Variants in PTK2 observed in about 807,000 individuals in gnomAD.
PTK2 encodes protein tyrosine kinase 2.
Under a neutral mutation model 150.1 loss-of-function variants are expected in PTK2, and 45 were observed. The ratio of observed to expected loss-of-function variants is 0.30; its 90% CI spans 0.24 to 0.38. The LOEUF is 0.38. Among genes scored for constraint, PTK2 ranks in the 10% least tolerant of loss-of-function variants. The pLI is 1.00. For missense variants in PTK2, 919 were observed against 1,307.3 expected, an observed-to-expected ratio of 0.70 and a Z score of 4.58; for synonymous variants, 432 against 449.2, an observed-to-expected ratio of 0.96 and a Z score of 0.48.
chr8:140,732,608 T>C (rs767616730), intron 22 of PTK2: 3 of 528,912 alleles, frequency 5.7e-6, no homozygotes, highest in East Asian at 5.5e-5. Context: ...TTCAGTCTAG[T>C]AGGGGATGAG....
At chr8:140,694,486 G>C (rs1168723738) in intron 26 of PTK2, among the ~76,000 whole-genome samples, 1 of 152,134 alleles carries the variant, frequency 6.6e-6, no homozygotes, top group Admixed American at 6.5e-5. Flanking sequence ...CAACGGTTTA[G>C]AAAGAAAGAT....
intron 27 of PTK2, among the ~76,000 whole-genome samples, chr8:140,679,778 C>T (rs776114411): frequency 5.9e-5 from 9 of 151,946 alleles, no homozygotes; most frequent in Non-Finnish European, 1.2e-4. Context: ...TGTTTACTAA[C>T]TAGTTCACAT....
chr8:140,763,717 G>A (rs2100070628), intron 15 of PTK2, among the ~76,000 whole-genome samples: 2 of 151,964 alleles, frequency 1.3e-5, no homozygotes, highest in Non-Finnish European at 2.9e-5. Context: ...CCATCCCTGA[G>A]GTGTACAAAC....
chr8:140,738,075 C>T (rs2100053614), intron 21 of PTK2, among the ~76,000 whole-genome samples: 1 of 152,222 alleles, frequency 6.6e-6, no homozygotes, highest in East Asian at 1.9e-4. Context: ...AAAAAAGGTA[C>T]ATAATCTTAA....
chr8:140,661,992 CTCT>C (rs1427749566), intron 31 of PTK2, among the ~76,000 whole-genome samples: 5 of 150,734 alleles, frequency 3.3e-5, no homozygotes, highest in African/African-American at 9.9e-5. Context: ...AGACAGGCTC[CTCT>C]TCTTTTCAAA....
chr8:140,845,195 T>C (rs1441805398), intron 7 of PTK2, among the ~76,000 whole-genome samples: 1 of 152,122 alleles, frequency 6.6e-6, no homozygotes, highest in Non-Finnish European at 1.5e-5. Flanking sequence ...AAATTGCGAA[T>C]CTCATCATAT....
intron 8 of PTK2, among the ~76,000 whole-genome samples, chr8:140,825,076 T>C (rs766015603): frequency 2.0e-5 from 3 of 152,168 alleles, no homozygotes; most frequent in Non-Finnish European, 4.4e-5. Flanking sequence ...TGTAAGGCAA[T>C]GCCAAGGAAA....
intron 8 of PTK2, among the ~76,000 whole-genome samples, chr8:140,829,720 T>C (rs1258297740): frequency 1.3e-5 from 2 of 152,158 alleles, no homozygotes; most frequent in Admixed American, 6.5e-5. Context: ...TGGTAAGTAA[T>C]ATATTTACTA....
chr8:140,827,495 A>G (rs576500611), intron 8 of PTK2, among the ~76,000 whole-genome samples: 35 of 152,286 alleles, frequency 2.3e-4, no homozygotes, highest in East Asian at 2.1e-3. Context: ...GCCTGGAAAC[A>G]TATCTTAAGA....
At chr8:140,997,856 T>C (rs1192981113) in intron 1 of PTK2, among the ~76,000 whole-genome samples, 1 of 152,168 alleles carries the variant, frequency 6.6e-6, no homozygotes, top group Non-Finnish European at 1.5e-5. Flanking sequence ...GGAGGATCAC[T>C]TGAGCCCAGG....
intron 14 of PTK2, among the ~76,000 whole-genome samples, chr8:140,776,339 C>CA (rs1488205968): frequency 6.6e-6 from 1 of 152,172 alleles, no homozygotes; most frequent in Admixed American, 6.5e-5. Context: ...TTTTGGTAAA[C>CA]AATTTAAGAA....
Position 140,961,977 on chromosome 8 carries a change from G to A in PTK2, c.-121-36228C>T, listed in dbSNP as rs181741941. Among the ~76,000 whole-genome samples, 277 of 152,140 alleles carry A rather than the reference G, an allele frequency of 1.8e-3. 1 individual carries two copies. Among genetic ancestry groups the A allele is most frequent in the African/African-American group, 6.2e-3 (257 of 41,520 alleles). On this transcript the variant is annotated intron_variant, in intron 1 of 31. Transcript: ENST00000522684. ...TTTAAACTCAAAAATATCTGGGCCT[G>A]GTGTGGTGGCTCATGCCTGTAATCC...
At chr8:140,857,564 A>G (rs980050174) in intron 5 of PTK2, among the ~76,000 whole-genome samples, 2 of 152,210 alleles carry the variant, frequency 1.3e-5, no homozygotes, top group African/African-American at 4.8e-5. Context: ...TGGGGTCACA[A>G]GAAGGTAAAG....
intron 1 of PTK2, among the ~76,000 whole-genome samples, chr8:140,968,508 G>A (rs2100186103): frequency 6.6e-6 from 1 of 152,198 alleles, no homozygotes; most frequent in Non-Finnish European, 1.5e-5. Context: ...ACAGATTAGA[G>A]AGTTTAAGGA....
At chr8:140,670,685 A>G (rs572808283) in intron 29 of PTK2, among the ~76,000 whole-genome samples, 1 of 152,196 alleles carries the variant, frequency 6.6e-6, no homozygotes, top group African/African-American at 2.4e-5. Context: ...GCGCTATCCT[A>G]CTATAACCAC....
At chr8:140,668,541 T>C (rs1167655154) in intron 29 of PTK2, 117 bp from the exon 34 acceptor site, 1 of 1,205,870 alleles carries the variant, frequency 8.3e-7, no homozygotes, top group Non-Finnish European at 1.2e-6. Context: ...AGGTCATTGA[T>C]TTTCTTGTGT....
At chr8:140,799,846 C>T (rs2154592896) in intron 12 of PTK2, among the ~76,000 whole-genome samples, 3 of 152,296 alleles carry the variant, frequency 2.0e-5, no homozygotes, top group Admixed American at 2.0e-4. Context: ...CTCAGTCTTT[C>T]CCTGCTTCAC....
chr8:140,830,460 G>T lies in PTK2; in HGVS notation c.648+12C>A. On this transcript the variant is annotated intron_variant, in intron 8 of 31. Transcript: ENST00000522684. Reference sequence around the variant, plus strand: ...TTTGTTATTTTATTATGATAAAGGAGACTCTAATTACCTTGACAGAATCCA... The same window carrying T: ...TTTGTTATTTTATTATGATAAAGGATACTCTAATTACCTTGACAGAATCCA... The T allele has an allele frequency of 6.7e-7, 1 of 1,499,610 alleles. No individual in the cohort carries two copies. The highest frequency in any genetic ancestry group is 1.3e-5 in the South Asian group (1 of 77,780). The allele number at this position is 1,499,610 out of a possible 1,614,324, so 92.9% of individuals were successfully genotyped here. A position where few individuals can be genotyped will look rare whatever the true frequency, so the allele number is the denominator to read the frequency against.
At chr8:140,927,914 A>G (rs2100170072) in intron 1 of PTK2, among the ~76,000 whole-genome samples, 1 of 144,168 alleles carries the variant, frequency 6.9e-6, no homozygotes, top group Non-Finnish European at 1.5e-5. Context: ...AGCCTGGGCA[A>G]CAAGAGCAAA....
Sources: gnomAD v4.1 joint callset for allele counts (sites outside exome capture counted in the v4.1 genomes callset) on GRCh38, gnomAD v4.1.1 for gene constraint, MANE v1.5 for transcripts, NCBI Gene and HGNC (gene_info 2026-07-23, HGNC 2026-07-21) for gene names.